The following SGSM2 variants were observed in gnomAD, a reference collection of about 807,000 sequenced individuals.
SGSM2 encodes RUN and TBC1 domain containing 1.
In SGSM2, 89 loss-of-function variants were observed where a neutral mutation model predicts 126.6. That is an observed-to-expected ratio of 0.70 (90% CI 0.59 to 0.84). The LOEUF is 0.84. SGSM2 is among the 40% of genes least tolerant of loss of function. The pLI is 0.00. For missense variants in SGSM2, 1,404 were observed against 1,416.6 expected, an observed-to-expected ratio of 0.99 and a Z score of 0.14; for synonymous variants, 614 against 574.3, an observed-to-expected ratio of 1.07 and a Z score of -0.99.
rs746216434 is a variant in SGSM2 at position 2,379,118 on chromosome 17, C to T, written c.2982C>T (p.Phe994=). 1 of 1,614,104 alleles carries T rather than the reference C, an allele frequency of 6.2e-7. No individual in the cohort carries two copies. The highest frequency in any genetic ancestry group is 8.5e-7 in the Non-Finnish European group (1 of 1,180,046). Residue 994 remains phenylalanine, a synonymous_variant, in exon 23 of 24, where the codon TTC becomes TTT. Transcript: ENST00000268989. ...TCTCATCGGAGCACTTTGTCCTGTT[C>T]ATCGCCCTCGCCCTGGTGGAGGCCT... The part of the protein sequence containing the change: ...RHISSEHFVL[F]IALALVEAYR...
intron 17 of SGSM2, 37 bp downstream of exon 17, chr17:2,373,550 G>A (rs1348043237): frequency 1.3e-6 from 2 of 1,560,682 alleles, no homozygotes; most frequent in African/African-American, 2.7e-5. Flanking sequence ...GGGGGTCTCG[G>A]GGGCCACCCG....
chr17:2,366,160 C>T (rs1013553060), intron 11 of SGSM2, among the ~76,000 whole-genome samples: 1 of 152,172 alleles, frequency 6.6e-6, no homozygotes, highest in Non-Finnish European at 1.5e-5. Context: ...GAGGCAGACT[C>T]GGGGCTGCCT....
chr17:2,376,837 G>A, intron 20 of SGSM2, 22 bp downstream of exon 20: 1 of 1,613,920 alleles, frequency 6.2e-7, no homozygotes. Flanking sequence ...CGGGACATGG[G>A]ACTGGGCTGC....
chr17:2,358,870 G>GTTT (rs2065186351), intron 2 of SGSM2, among the ~76,000 whole-genome samples: 8 of 81,616 alleles, frequency 9.8e-5, no homozygotes, highest in Admixed American at 6.5e-4. Flanking sequence ...TGTTGTTGTT[G>GTTT]TTGTTTTTTT....
chr17:2,364,379 T>G, intron 8 of SGSM2, 196 bp downstream of exon 8: 1 of 858,770 alleles, frequency 1.2e-6, no homozygotes, highest in South Asian at 1.7e-5. Flanking sequence ...GTGAAGAGGT[T>G]TGTCTGAGCC....
chr17:2,380,284 G>C lies in SGSM2; in HGVS notation c.*764G>C. ...CATTAGGTACTTCCCTGAAAACCAC[G>C]TGTAAGAAGTGATGCTTTTGCCAGT... is the stretch of plus-strand genomic sequence containing the variant. On this transcript the variant is annotated 3_prime_UTR_variant, in exon 24 of 24. Coordinates refer to ENST00000268989, the MANE Select transcript of SGSM2 (RefSeq NM_014853.3). The C allele has an allele frequency of 6.5e-7, 1 of 1,536,008 alleles. No homozygotes were observed. Among genetic ancestry groups the C allele is most frequent in the Non-Finnish European group, 8.7e-7 (1 of 1,146,906 alleles).
rs962559745 is a variant in SGSM2 at position 2,371,365 on chromosome 17, C to T, written c.1527C>T (p.Ser509=). The T allele has an allele frequency of 5.0e-6, 8 of 1,612,034 alleles. No homozygotes were observed. Among genetic ancestry groups the T allele is most frequent in the South Asian group, 1.1e-5 (1 of 91,018 alleles). ...SQGSSCLSCS[S]SSSPHATPSH... ...GCTCCTCCTGCCTCTCCTGCTCCTC[C>T]AGCAGCTCCCCACATGCAACCCCCA... The change falls in exon 13 of 24, where the codon TCC becomes TCT. Residue 509 remains serine (S), a synonymous_variant. Coordinates refer to ENST00000268989, the MANE Select transcript of SGSM2 (RefSeq NM_014853.3).
At chr17:2,358,551 A>C (rs567339431) in intron 2 of SGSM2, among the ~76,000 whole-genome samples, 3 of 152,080 alleles carry the variant, frequency 2.0e-5, no homozygotes, top group Non-Finnish European at 4.4e-5. Flanking sequence ...CTCTACAAAA[A>C]ATTTTTAAAA....
At chr17:2,338,343 C>T (rs1017272596) in intron 1 of SGSM2, among the ~76,000 whole-genome samples, 4 of 151,042 alleles carry the variant, frequency 2.6e-5, no homozygotes, top group Non-Finnish European at 5.9e-5. Context: ...AAGTTTTTCC[C>T]TTTTGAGGGA....
At chr17:2,371,572 C>T (rs1441242475) in intron 13 of SGSM2, 157 bp downstream of exon 13, 4 of 846,792 alleles carry the variant, frequency 4.7e-6, no homozygotes, top group Non-Finnish European at 7.0e-6. Flanking sequence ...ACGTGACTTA[C>T]AAGTTATGGA....
chr17:2,361,632 C>T lies in SGSM2; in HGVS notation c.134-5C>T. The T allele has an allele frequency of 6.2e-7, 1 of 1,613,288 alleles. No individual in the cohort carries two copies. The highest frequency in any genetic ancestry group is 1.1e-5 in the South Asian group (1 of 90,946). On this transcript the variant is annotated splice_polypyrimidine_tract_variant and splice_region_variant and intron_variant, in intron 2 of 23. Coordinates refer to ENST00000268989, the MANE Select transcript of SGSM2 (RefSeq NM_014853.3). ...GCTCAGATGCCGTTTCCCTTTGTGG[C>T]CTAGGTGCAGTGGAGGCTTGCCTCT... is the stretch of plus-strand genomic sequence containing the variant.
At chr17:2,345,515 G>A (rs990037155) in intron 2 of SGSM2, among the ~76,000 whole-genome samples, 2 of 148,416 alleles carry the variant, frequency 1.3e-5, no homozygotes, top group African/African-American at 5.0e-5. Context: ...AGAATGGCGT[G>A]AACCCGGGAG....
intron 1 of SGSM2, among the ~76,000 whole-genome samples, chr17:2,339,740 C>G (rs1380946396): frequency 1.3e-5 from 2 of 151,474 alleles, no homozygotes; most frequent in Non-Finnish European, 2.9e-5. Context: ...CCGGAAATCT[C>G]TAGATGGTTC....
intron 2 of SGSM2, among the ~76,000 whole-genome samples, chr17:2,358,438 A>G (rs2065169481): frequency 1.3e-5 from 2 of 152,188 alleles, no homozygotes; most frequent in Admixed American, 6.5e-5. Context: ...AGCCAGGCTC[A>G]GTGGCTCAAG....
chr17:2,345,054 G>A (rs565692043), intron 2 of SGSM2, among the ~76,000 whole-genome samples: 2 of 152,188 alleles, frequency 1.3e-5, no homozygotes, highest in African/African-American at 2.4e-5. Context: ...TGAGATGGTG[G>A]AATAATGATT....
Position 2,379,510 on chromosome 17 carries a change from A to C in SGSM2, c.3146A>C (p.Glu1049Ala). The change falls in exon 24 of 24, where the codon GAG becomes GCG. Residue 1049 changes from glutamate to alanine, a missense_variant. Glu to Ala is a moderately radical substitution (Grantham distance 107). Coordinates refer to ENST00000268989, the MANE Select transcript of SGSM2 (RefSeq NM_014853.3). ...DLVHKVQMLI[E>A]NK ...GTCCACAAGGTGCAGATGCTCATAGAGAACAAGTGAGCTGGGGCCAGGAGG... is the reference window on the plus strand; with the variant it reads ...GTCCACAAGGTGCAGATGCTCATAGCGAACAAGTGAGCTGGGGCCAGGAGG... 6.2e-7 allele frequency: 1 copy of C among 1,611,894 alleles called. No individual in the cohort carries two copies. The highest frequency in any genetic ancestry group is 8.5e-7 in the Non-Finnish European group (1 of 1,178,444).
At chr17:2,351,072 G>A (rs1177731288) in intron 2 of SGSM2, among the ~76,000 whole-genome samples, 1 of 152,102 alleles carries the variant, frequency 6.6e-6, no homozygotes, top group Non-Finnish European at 1.5e-5. Context: ...GGCCATCATG[G>A]TAAAACCCCT....
At chr17:2,364,504 G>GAGTT in intron 8 of SGSM2, 92 bp from the exon 9 acceptor site, 1 of 1,371,742 alleles carries the variant, frequency 7.3e-7, no homozygotes, top group African/African-American at 1.4e-5. Flanking sequence ...ATCTTCAGGG[G>GAGTT]AGTTTCGTGG....
chr17:2,361,980 C>G, intron 3 of SGSM2, 129 bp from the exon 4 acceptor site: 1 of 1,344,970 alleles, frequency 7.4e-7, no homozygotes. Flanking sequence ...CTGTACCCCT[C>G]CTTCACCTCC....
Sources: gnomAD v4.1 joint callset for allele counts (sites outside exome capture counted in the v4.1 genomes callset) on GRCh38, gnomAD v4.1.1 for gene constraint, MANE v1.5 for transcripts, NCBI Gene and HGNC (gene_info 2026-07-23, HGNC 2026-07-21) for gene names.